PTCHD4: variants seen among roughly 807,000 people sequenced by gnomAD.
PTCHD4 encodes the protein patched domain containing 4.
PTCHD4 carries 33 observed loss-of-function variants against 58.1 expected under a neutral mutation model. The observed-to-expected ratio is 0.57, with a 90% CI of 0.43 to 0.76. PTCHD4 has a LOEUF of 0.76. Among genes scored for constraint, PTCHD4 ranks in the 30% least tolerant of loss-of-function variants. The probability of loss-of-function intolerance (pLI) is 0.00; values close to 1 mark genes in which losing one functional copy is unlikely to be tolerated. For synonymous variants in PTCHD4, 478 were observed against 409.6 expected (o/e 1.17, Z -2.02); for missense variants, 1,058 against 1,027.1 (o/e 1.03, Z -0.41).
At chr6:48,057,394 A>G (rs1475064567) in intron 3 of PTCHD4, among the ~76,000 whole-genome samples, 1 of 152,128 alleles carries the variant, frequency 6.6e-6, no homozygotes, top group Non-Finnish European at 1.5e-5. Flanking sequence ...CTTGCTGGTT[A>G]TATCCTCCCA....
At chr6:47,974,906 T>TAGC (rs1205310571) in intron 4 of PTCHD4, among the ~76,000 whole-genome samples, 1 of 152,214 alleles carries the variant, frequency 6.6e-6, no homozygotes, top group Non-Finnish European at 1.5e-5. Context: ...AATCAAACTA[T>TAGC]AGCAGCATCA....
intron 4 of PTCHD4, among the ~76,000 whole-genome samples, chr6:48,001,696 TG>T (rs1768728403): frequency 6.6e-6 from 1 of 152,182 alleles, no homozygotes; most frequent in Non-Finnish European, 1.5e-5. Flanking sequence ...GACATAGGCA[TG>T]GGCAAGGACT....
intron 4 of PTCHD4, among the ~76,000 whole-genome samples, chr6:47,906,363 C>T (rs188535918): frequency 9.3e-4 from 142 of 152,312 alleles, no homozygotes; most frequent in Admixed American, 1.3e-3. Context: ...CAGTCTTTTC[C>T]TTGCCCTCCA....
chr6:48,076,293 C>T (rs1331373965), intron 1 of PTCHD4, among the ~76,000 whole-genome samples: 1 of 152,228 alleles, frequency 6.6e-6, no homozygotes. Flanking sequence ...GCTTTCTCCA[C>T]TGAAGTCTTA....
intron 1 of PTCHD4, among the ~76,000 whole-genome samples, chr6:48,101,811 T>C (rs1765608432): frequency 6.6e-6 from 1 of 152,112 alleles, no homozygotes; most frequent in Admixed American, 6.5e-5. Flanking sequence ...TTCCCCTCTT[T>C]TTCCTCCCCT....
chr6:47,957,388 A>C (rs954992223), intron 4 of PTCHD4, among the ~76,000 whole-genome samples: 2 of 150,176 alleles, frequency 1.3e-5, no homozygotes, highest in Admixed American at 1.3e-4. Flanking sequence ...ATTATTTCTA[A>C]GACCATTCAG....
Position 47,878,035 on chromosome 6 carries a change from T to C in PTCHD4, c.*268A>G. 3.2e-6 allele frequency: 1 copy of C among 315,660 alleles called. No individual in the cohort carries two copies. Among genetic ancestry groups the C allele is most frequent in the Non-Finnish European group, 5.8e-6 (1 of 172,454 alleles). The allele number at this position is 315,660 out of a possible 1,614,324, so 19.6% of individuals were successfully genotyped here. ...TTTGGCCTTCTATCTTAACACTCCA[T>C]TGATTCATCCATTCCTTGGAAGAGC... On this transcript the variant is annotated 3_prime_UTR_variant, in exon 5 of 5. Transcript: ENST00000339488.
intron 4 of PTCHD4, among the ~76,000 whole-genome samples, chr6:47,934,915 T>C (rs1456714739): frequency 1.3e-5 from 2 of 152,328 alleles, no homozygotes; most frequent in Non-Finnish European, 2.9e-5. Context: ...ATATATTGGA[T>C]GTGCACAGTA....
intron 1 of PTCHD4, among the ~76,000 whole-genome samples, chr6:48,109,911 T>C (rs1765828468): frequency 6.6e-6 from 1 of 152,096 alleles, no homozygotes; most frequent in Non-Finnish European, 1.5e-5. Context: ...ATGGCTATTA[T>C]TTTAAAAATA....
rs149247443 is a variant in PTCHD4 at position 47,951,026 on chromosome 6, A to G, written c.898+57608T>C. Among the ~76,000 whole-genome samples the G allele has an allele frequency of 2.0e-5, 3 of 152,302 alleles. No individual in the cohort carries two copies. In the East Asian group the frequency reaches 5.8e-4, roughly 29 times the overall value. On this transcript the variant is annotated intron_variant, in intron 4 of 4. Transcript: ENST00000339488. ...GCAAAAGCTTAATTGGAGTGAGTTC[A>G]AAAGAAAAAAATCAAGGATTTTGCA... is the stretch of plus-strand genomic sequence containing the variant.
rs114106233 is a variant in PTCHD4 at position 47,866,740 on chromosome 6, A to G, written c.*11563T>C. 1.7e-3 allele frequency among the ~76,000 whole-genome samples: 260 copies of G among 151,996 alleles called. 2 individuals are homozygous for G. Among genetic ancestry groups the G allele is most frequent in the African/African-American group, 5.8e-3 (242 of 41,520 alleles). On this transcript the variant is annotated 3_prime_UTR_variant, in exon 5 of 5. Transcript: ENST00000339488. ...TATTATAATTAAAACTTTAACTATT[A>G]AAAAGGACAAGGGTAATGTATAAAT...
chr6:47,946,235 A>G (rs956353711), intron 4 of PTCHD4, among the ~76,000 whole-genome samples: 1 of 152,118 alleles, frequency 6.6e-6, no homozygotes, highest in Non-Finnish European at 1.5e-5. Context: ...TGTTGTTGAA[A>G]TATTCCATTA....
At chr6:48,012,330 A>AT (rs1457602469) in intron 3 of PTCHD4, among the ~76,000 whole-genome samples, 5 of 152,042 alleles carry the variant, frequency 3.3e-5, no homozygotes, top group Non-Finnish European at 7.4e-5. Context: ...TCTTTTTTGT[A>AT]GCCATTGTGA....
At chr6:48,085,525 C>A (rs1765247244) in intron 1 of PTCHD4, among the ~76,000 whole-genome samples, 1 of 152,138 alleles carries the variant, frequency 6.6e-6, no homozygotes. Flanking sequence ...AGATCATTTG[C>A]CTTTTTCATT....
chr6:48,108,410 C>T (rs1765789890), intron 1 of PTCHD4, among the ~76,000 whole-genome samples: 1 of 151,826 alleles, frequency 6.6e-6, no homozygotes. Context: ...AATGAGAACA[C>T]ATGGACACAG....
chr6:47,895,855 A>T (rs957989495), intron 4 of PTCHD4, among the ~76,000 whole-genome samples: 8 of 152,098 alleles, frequency 5.3e-5, no homozygotes, highest in Non-Finnish European at 1.0e-4. Context: ...ACTCCAGGTC[A>T]ATCATCTCAT....
chr6:48,026,522 A>G (rs979835002), intron 3 of PTCHD4, among the ~76,000 whole-genome samples: 3 of 151,920 alleles, frequency 2.0e-5, no homozygotes, highest in African/African-American at 7.3e-5. Flanking sequence ...ACCTTCTTCT[A>G]TATGTCCCCT....
chr6:47,932,664 C>T (rs1343797534), intron 4 of PTCHD4, among the ~76,000 whole-genome samples: 1 of 151,844 alleles, frequency 6.6e-6, no homozygotes, highest in Non-Finnish European at 1.5e-5. Flanking sequence ...GTAAAGCTAC[C>T]GAAAAACACA....
chr6:48,068,577 G>A lies in PTCHD4; in HGVS notation c.70C>T (p.Leu24Phe). The change falls in exon 3 of 5, where the codon CTC (leucine) becomes TTC (phenylalanine). Residue 24 changes from leucine (L) to phenylalanine (F), a missense_variant. By Grantham distance (22) the Leu-to-Phe change is conservative. Coordinates refer to ENST00000339488, the MANE Select transcript of PTCHD4 (RefSeq NM_001384253.1). This position sits in a 1 kb window ranked among gnomAD's most constrained non-coding sequence, Gnocchi z 4.2. Reference sequence around the variant, plus strand: ...CCCAGCCTGTGGCAGAACGACTGGAGCCCTCTGCGAAGCACCTGCCGCAGC... The same window carrying A: ...CCCAGCCTGTGGCAGAACGACTGGAACCCTCTGCGAAGCACCTGCCGCAGC... ...RMLRQVLRRG[L>F]QSFCHRLGLC... The A allele has an allele frequency of 6.4e-7, 1 of 1,570,860 alleles. No individual in the cohort carries two copies. The highest frequency in any genetic ancestry group is 1.2e-5 in the South Asian group (1 of 86,888).
Sources: gnomAD v4.1 joint callset for allele counts (sites outside exome capture counted in the v4.1 genomes callset) on GRCh38, gnomAD v4.1.1 for gene constraint, Gnocchi (gnomAD v3.1) non-coding constraint, MANE v1.5 for transcripts, NCBI Gene and HGNC (gene_info 2026-07-23, HGNC 2026-07-21) for gene names.